NTRK3: variants seen among roughly 807,000 people sequenced by gnomAD.
The protein encoded by NTRK3 is neurotrophic receptor tyrosine kinase 3.
In NTRK3, 24 loss-of-function variants were observed where a neutral mutation model predicts 91.7. The ratio of observed to expected loss-of-function variants is 0.26; its 90% CI spans 0.19 to 0.37. NTRK3 has a LOEUF of 0.37. Ranked by LOEUF, NTRK3 falls within the 10% of genes least tolerant of loss-of-function variation. NTRK3 has a pLI of 1.00. For synonymous variants in NTRK3, 483 were observed against 404.0 expected, an observed-to-expected ratio of 1.20 and a Z score of -2.34; for missense variants, 880 against 1,068.9, an observed-to-expected ratio of 0.82 and a Z score of 2.46.
exon 19 of NTRK3, chr15:87,865,727 G>A (rs2064653431): frequency 4.5e-6 from 1 of 224,590 alleles, no homozygotes; most frequent in Non-Finnish European, 8.9e-6. Context: ...ATTAAATGCA[G>A]CAGAAGATGC....
chr15:88,137,331 A>C lies in NTRK3; in HGVS notation c.622+73T>G, dbSNP rs916016444. On this transcript the variant is annotated intron_variant, in intron 7 of 18. Transcript: ENST00000394480. The stretch of plus-strand genomic sequence containing the variant: ...AGGAAGGCTCTGGCATCCCAAGGTA[A>C]CGTCCAGCACCATCTCTGGTGTCTG... 3 of 1,572,680 alleles carry C rather than the reference A, an allele frequency of 1.9e-6. No individual in the cohort carries two copies. The African/African-American group carries it at 4.1e-5, about 21-fold the overall frequency.
chr15:88,146,342 G>A (rs1597590536), intron 6 of NTRK3, among the ~76,000 whole-genome samples: 1 of 152,148 alleles, frequency 6.6e-6, no homozygotes, highest in African/African-American at 2.4e-5. Flanking sequence ...AACAGCATAG[G>A]CAGAGGTCCA....
intron 13 of NTRK3, among the ~76,000 whole-genome samples, chr15:88,081,762 T>TG (rs1276849215): frequency 6.6e-6 from 1 of 152,204 alleles, no homozygotes; most frequent in African/African-American, 2.4e-5. Flanking sequence ...CATGCCCGCT[T>TG]GTTCCTCCAT....
At chr15:87,920,948 A>G (rs1168022848) in intron 17 of NTRK3, among the ~76,000 whole-genome samples, 1 of 152,212 alleles carries the variant, frequency 6.6e-6, no homozygotes, top group Non-Finnish European at 1.5e-5. Flanking sequence ...GGTAAAATCC[A>G]AACAAAGTCT....
chr15:87,974,157 GC>G (rs1458019042), intron 14 of NTRK3, among the ~76,000 whole-genome samples: 2 of 152,190 alleles, frequency 1.3e-5, no homozygotes, highest in East Asian at 3.9e-4. Context: ...ATGTGTCACA[GC>G]CCAGTGCTGT....
chr15:88,137,263 C>G (rs1489384990), intron 7 of NTRK3, 141 bp downstream of exon 7: 1 of 921,348 alleles, frequency 1.1e-6, no homozygotes, highest in Non-Finnish European at 1.7e-6. Flanking sequence ...GTCAGGAGGT[C>G]TGCACACAAC....
At chr15:87,940,403 C>T (rs2069712897) in intron 15 of NTRK3, among the ~76,000 whole-genome samples, 1 of 152,210 alleles carries the variant, frequency 6.6e-6, no homozygotes, top group African/African-American at 2.4e-5. Context: ...AACTTGCTCC[C>T]CTGGCATAGC....
rs566841388 is a variant in NTRK3 at position 87,967,023 on chromosome 15, G to A, written c.1586-26270C>T. Among the ~76,000 whole-genome samples, 3 of 152,278 alleles carry A rather than the reference G, an allele frequency of 2.0e-5. No homozygotes were observed. In the East Asian group the frequency reaches 5.8e-4, roughly 29 times the overall value. On this transcript the variant is annotated intron_variant, in intron 14 of 18. Transcript: ENST00000394480. ...TTAGGGGACAAGATCACCCCCAATT[G>A]AAAACCAGTGCAGGAGACAATAAAG...
At position 88,033,053 on chromosome 15, in the gene NTRK3, C is replaced by A. The variant is rs1233294807; in HGVS notation, c.1397-8G>T. ...TGATGACAGCCACGGGACCTGCACA[C>A]ACCAAGAGAGACGCAGGACCTGGTG... On this transcript the variant is annotated splice_region_variant and splice_polypyrimidine_tract_variant and intron_variant, in intron 13 of 18. Transcript: ENST00000394480. 6.4e-7 allele frequency: 1 copy of A among 1,569,310 alleles called. No individual in the cohort carries two copies. Among genetic ancestry groups the A allele is most frequent in the Non-Finnish European group, 8.6e-7 (1 of 1,156,960 alleles).
chr15:88,090,254 C>A (rs111396418), intron 13 of NTRK3, among the ~76,000 whole-genome samples: 136 of 152,274 alleles, frequency 8.9e-4, no homozygotes, highest in African/African-American at 3.1e-3. Context: ...TTTGTCTCTC[C>A]TGCTCCCCAC....
At chr15:88,101,578 C>T (rs921891655) in intron 13 of NTRK3, among the ~76,000 whole-genome samples, 8 of 152,126 alleles carry the variant, frequency 5.3e-5, no homozygotes, top group African/African-American at 1.2e-4. Flanking sequence ...GTATGTTTAT[C>T]GCGGCACTAT....
intron 17 of NTRK3, among the ~76,000 whole-genome samples, chr15:87,890,773 T>G (rs2065815738): frequency 6.6e-6 from 1 of 152,210 alleles, no homozygotes; most frequent in East Asian, 1.9e-4. Context: ...AGGCTCATCT[T>G]GTATATTTCC....
At chr15:88,142,228 C>T (rs1335101801) in intron 6 of NTRK3, among the ~76,000 whole-genome samples, 7 of 152,120 alleles carry the variant, frequency 4.6e-5, no homozygotes, top group African/African-American at 1.2e-4. Flanking sequence ...GAGCCTTTAG[C>T]CAGGACTTTG....
At chr15:88,183,583 C>T in intron 4 of NTRK3, 94 bp from the exon 5 acceptor site, 1 of 1,146,446 alleles carries the variant, frequency 8.7e-7, no homozygotes, top group South Asian at 1.2e-5. Flanking sequence ...CTAAGGCTGG[C>T]CCTGCAGCCG....
At chr15:88,011,076 C>G (rs1035823266) in intron 14 of NTRK3, among the ~76,000 whole-genome samples, 8 of 152,120 alleles carry the variant, frequency 5.3e-5, no homozygotes, top group Admixed American at 2.0e-4. Flanking sequence ...GGGATATTTT[C>G]TTATCCAGTA....
intron 13 of NTRK3, among the ~76,000 whole-genome samples, chr15:88,120,726 GTTAA>G (rs1223188691): frequency 1.3e-5 from 2 of 152,240 alleles, no homozygotes; most frequent in African/African-American, 4.8e-5. Context: ...AGCATTCAAA[GTTAA>G]TTAATCAGAG....
chr15:88,075,482 G>C (rs2150578334), intron 13 of NTRK3, among the ~76,000 whole-genome samples: 1 of 152,268 alleles, frequency 6.6e-6, no homozygotes, highest in South Asian at 2.1e-4. Flanking sequence ...GGAACCTCAG[G>C]AGAATCCTGA....
In NTRK3 at chr15:88,188,371, T is replaced by C. The variant is rs74027798; in HGVS notation, c.249-4072A>G. Reference sequence around the variant, plus strand: ...CATTTGACAATATCTGGACACATTTTTGATTGTCACAGCTGGGGAAAGAGA... The same window carrying C: ...CATTTGACAATATCTGGACACATTTCTGATTGTCACAGCTGGGGAAAGAGA... On this transcript the variant is annotated intron_variant, in intron 3 of 18. Coordinates refer to ENST00000394480, the Ensembl canonical transcript of NTRK3. 2.2e-3 allele frequency among the ~76,000 whole-genome samples: 336 copies of C among 152,326 alleles called. 3 individuals carry two copies. The highest frequency in any genetic ancestry group is 7.6e-3 in the African/African-American group (317 of 41,564).
chr15:88,074,596 C>T (rs2150571719), intron 13 of NTRK3, among the ~76,000 whole-genome samples: 1 of 152,270 alleles, frequency 6.6e-6, no homozygotes, highest in South Asian at 2.1e-4. Flanking sequence ...GAGCAACAAA[C>T]ACCCTTTGGC....
Sources: allele counts gnomAD v4.1 joint callset (sites outside exome capture counted in the v4.1 genomes callset), GRCh38; gene constraint gnomAD v4.1.1; transcripts MANE v1.5; gene names NCBI Gene and HGNC (gene_info 2026-07-23, HGNC 2026-07-21).